The following PRKACB variants were observed in gnomAD, a reference collection of about 807,000 sequenced individuals.
PRKACB encodes protein kinase cAMP-activated catalytic subunit beta.
A neutral mutation model predicts 51.4 loss-of-function variants in PRKACB; 16 were observed. That is an observed-to-expected ratio of 0.31 (90% CI 0.21 to 0.47). The LOEUF (loss-of-function observed/expected upper bound fraction) is 0.47, where lower values mean the gene tolerates loss of function less well. Ranked by LOEUF, PRKACB falls within the 20% of genes least tolerant of loss-of-function variation. PRKACB has a pLI of 1.00. For missense variants in PRKACB, 309 were observed against 464.5 expected (o/e 0.67, Z 3.08); for synonymous variants, 147 against 154.4 (o/e 0.95, Z 0.35).
chr1:84,104,070 C>T lies in PRKACB; in HGVS notation c.46+25699C>T, dbSNP rs182208770. Among the ~76,000 whole-genome samples, 754 of 152,194 alleles carry T rather than the reference C, an allele frequency of 5.0e-3. 19 individuals are homozygous for T. Among genetic ancestry groups the T allele is most frequent in the Non-Finnish European group, 1.2e-3 (83 of 67,998 alleles). Reference sequence around the variant, plus strand: ...CTATGGAGCACTAGACCTTACTTTTCCTATCTAGCTGTGATTTTTTATCAG... The same window carrying T: ...CTATGGAGCACTAGACCTTACTTTTTCTATCTAGCTGTGATTTTTTATCAG... On this transcript the variant is annotated intron_variant, in intron 1 of 8. Transcript: ENST00000370688.
At chr1:84,081,737 T>C (rs1036757221) in intron 1 of PRKACB, among the ~76,000 whole-genome samples, 47 of 152,296 alleles carry the variant, frequency 3.1e-4, no homozygotes, top group African/African-American at 1.1e-3. Flanking sequence ...TTTAAAAAAA[T>C]ACTATACCTC....
At chr1:84,179,994 G>C (rs1662688522) in intron 2 of PRKACB, among the ~76,000 whole-genome samples, 1 of 136,044 alleles carries the variant, frequency 7.4e-6, no homozygotes, top group Admixed American at 7.8e-5. Context: ...CCCTCCCTGT[G>C]TCCATGTGTT....
intron 5 of PRKACB, 111 bp downstream of exon 5, chr1:84,185,293 C>A: frequency 1.4e-6 from 1 of 694,352 alleles, no homozygotes; most frequent in South Asian, 2.1e-5. Flanking sequence ...ATATTTTGGC[C>A]ATATGAAGCA....
chr1:84,204,895 G>T, intron 8 of PRKACB: 1 of 982,032 alleles, frequency 1.0e-6, no homozygotes. Flanking sequence ...TTCTCTATTG[G>T]TTAAATTTTA....
upstream of PRKACB, among the ~76,000 whole-genome samples, chr1:84,141,207 C>A (rs1167055484): frequency 6.6e-6 from 1 of 151,780 alleles, no homozygotes; most frequent in Admixed American, 6.6e-5. Flanking sequence ...ACAAGATAAG[C>A]TATTCTGGTA....
chr1:84,150,403 C>A (rs1029328901), intron 1 of PRKACB, among the ~76,000 whole-genome samples: 1 of 152,092 alleles, frequency 6.6e-6, no homozygotes, highest in African/African-American at 2.4e-5. Flanking sequence ...CCTTCTGTTA[C>A]AACTACCAGG....
intron 1 of PRKACB, among the ~76,000 whole-genome samples, chr1:84,097,815 G>T (rs543432987): frequency 6.6e-6 from 1 of 152,018 alleles, no homozygotes; most frequent in Non-Finnish European, 1.5e-5. Flanking sequence ...CAAAACGTGC[G>T]AATTTGCCCT....
At chr1:84,176,220 T>C (rs1297202364) in intron 1 of PRKACB, among the ~76,000 whole-genome samples, 2 of 151,878 alleles carry the variant, frequency 1.3e-5, no homozygotes, top group African/African-American at 2.4e-5. Context: ...ATATGCTTTA[T>C]AGGGAATTCT....
chr1:84,214,638 G>A (rs2101582433), intron 9 of PRKACB, among the ~76,000 whole-genome samples: 1 of 151,994 alleles, frequency 6.6e-6, no homozygotes, highest in African/African-American at 2.4e-5. Flanking sequence ...GACTATGGGT[G>A]CATGCCATCA....
intron 1 of PRKACB, among the ~76,000 whole-genome samples, chr1:84,084,778 T>C (rs1238090212): frequency 6.6e-6 from 1 of 152,040 alleles, no homozygotes; most frequent in African/African-American, 2.4e-5. Context: ...AGGAAATGAA[T>C]ACAGAGGGCA....
At chr1:84,195,268 C>T (rs1667891809) in intron 5 of PRKACB, among the ~76,000 whole-genome samples, 1 of 152,104 alleles carries the variant, frequency 6.6e-6, no homozygotes, top group South Asian at 2.1e-4. Flanking sequence ...AAATTTTGCT[C>T]CCCAAAAGCA....
chr1:84,224,197 G>T (rs1674204737), intron 9 of PRKACB, among the ~76,000 whole-genome samples: 1 of 152,206 alleles, frequency 6.6e-6, no homozygotes, highest in African/African-American at 2.4e-5. Context: ...TGATCCTCAG[G>T]CCCCAGTGGT....
intron 9 of PRKACB, among the ~76,000 whole-genome samples, chr1:84,234,836 C>A (rs1481190569): frequency 6.6e-6 from 1 of 152,212 alleles, no homozygotes; most frequent in African/African-American, 2.4e-5. Context: ...GTGAGATGAA[C>A]CTGGTACCTC....
intron 8 of PRKACB, among the ~76,000 whole-genome samples, chr1:84,208,437 A>C (rs1158943991): frequency 6.6e-6 from 1 of 152,212 alleles, no homozygotes; most frequent in Non-Finnish European, 1.5e-5. Flanking sequence ...TCTTTATAAA[A>C]CAAATTTATA....
chr1:84,146,021 G>C (rs1654005080), intron 1 of PRKACB, among the ~76,000 whole-genome samples: 1 of 151,868 alleles, frequency 6.6e-6, no homozygotes, highest in African/African-American at 2.4e-5. Context: ...AGTTATGTTT[G>C]AACTAGACTT....
At chr1:84,137,825 T>C (rs1218932497) in intron 1 of PRKACB, among the ~76,000 whole-genome samples, 2 of 152,166 alleles carry the variant, frequency 1.3e-5, no homozygotes, top group Non-Finnish European at 2.9e-5. Context: ...GGAGCCAGGT[T>C]TCTCTCTATT....
intron 1 of PRKACB, chr1:84,085,849 TGCAGTCCTGGTGGCCTGGCTGTAAC>T: frequency 1.8e-6 from 1 of 552,274 alleles, no homozygotes; most frequent in Admixed American, 2.7e-5. Context: ...GACCCCACAG[TGCAGTCCTGGTGGCCTGGCTGTAAC>T]ACCCAACTCA....
At chr1:84,082,257 A>G (rs976568635) in intron 1 of PRKACB, among the ~76,000 whole-genome samples, 62 of 152,202 alleles carry the variant, frequency 4.1e-4, no homozygotes, top group Non-Finnish European at 8.5e-4. Flanking sequence ...CAGCCTCTGT[A>G]TCCAATAGAA....
In PRKACB at chr1:84,237,953, G is replaced by T. The variant is rs1000530120; in HGVS notation, c.*2648G>T. On this transcript the variant is annotated 3_prime_UTR_variant, in exon 10 of 10. Transcript: ENST00000370685. ...AACTTTCACAGTCGATGACAAGATTGTCTTTTTATCTGATATTTTGAAGGG... is the reference window on the plus strand; with the variant it reads ...AACTTTCACAGTCGATGACAAGATTTTCTTTTTATCTGATATTTTGAAGGG... 1 of 152,118 alleles carries T rather than the reference G, an allele frequency of 6.6e-6. No individual in the cohort carries two copies. The highest frequency in any genetic ancestry group is 2.4e-5 in the African/African-American group (1 of 41,432). 9.4% of individuals were successfully genotyped at this position (152,118 alleles called of 1,614,324 possible).
Sources: gnomAD v4.1 joint callset for allele counts (sites outside exome capture counted in the v4.1 genomes callset) on GRCh38, gnomAD v4.1.1 for gene constraint, MANE v1.5 for transcripts, NCBI Gene and HGNC (gene_info 2026-07-23, HGNC 2026-07-21) for gene names.